PXDNL: variants seen among roughly 807,000 people sequenced by gnomAD.
PXDNL encodes probable oxidoreductase PXDNL.
A neutral mutation model predicts 150.8 loss-of-function variants in PXDNL; 145 were observed. That is an observed-to-expected ratio of 0.96 (90% CI 0.84 to 1.10). The LOEUF (loss-of-function observed/expected upper bound fraction) is 1.10, where lower values mean the gene tolerates loss of function less well. Among genes scored for constraint, PXDNL ranks in the 50% least tolerant of loss-of-function variants. PXDNL has a pLI of 0.00. For missense variants in PXDNL, 2,087 were observed against 1,873.9 expected, an observed-to-expected ratio of 1.11 and a Z score of -2.10; for synonymous variants, 757 against 725.7, an observed-to-expected ratio of 1.04 and a Z score of -0.69.
At chr8:51,663,078 G>A (rs1476413011) in intron 1 of PXDNL, among the ~76,000 whole-genome samples, 13 of 152,212 alleles carry the variant, frequency 8.5e-5, no homozygotes, top group Non-Finnish European at 1.5e-4. Flanking sequence ...TCCACACACC[G>A]TTTCAAGGCA....
chr8:51,346,395 C>A (rs1273338162), intron 19 of PXDNL, among the ~76,000 whole-genome samples: 1 of 152,150 alleles, frequency 6.6e-6, no homozygotes, highest in African/African-American at 2.4e-5. Context: ...TTAAGATACC[C>A]CCTGTTGCAC....
chr8:51,778,034 T>C (rs1037967788), intron 1 of PXDNL, among the ~76,000 whole-genome samples: 5 of 152,108 alleles, frequency 3.3e-5, no homozygotes, highest in East Asian at 2.0e-4. Context: ...GCTCAAGACC[T>C]GAAGTAAATA....
At chr8:51,323,996 G>C (rs1805410353) in intron 21 of PXDNL, among the ~76,000 whole-genome samples, 1 of 151,780 alleles carries the variant, frequency 6.6e-6, no homozygotes, top group Non-Finnish European at 1.5e-5. Context: ...GAAATACAGT[G>C]CGTGGCACTT....
intron 2 of PXDNL, among the ~76,000 whole-genome samples, chr8:51,648,232 G>A (rs976385380): frequency 8.5e-5 from 13 of 152,160 alleles, no homozygotes; most frequent in African/African-American, 2.9e-4. Context: ...AAAATATCAG[G>A]TCGTAATTCC....
chr8:51,641,560 C>A, intron 2 of PXDNL, among the ~76,000 whole-genome samples: 1 of 152,062 alleles, frequency 6.6e-6, no homozygotes, highest in Non-Finnish European at 1.5e-5. Flanking sequence ...TGAACAGACA[C>A]TTCTCAAAAG....
chr8:51,437,220 A>G (rs572019075), intron 12 of PXDNL, among the ~76,000 whole-genome samples: 1 of 152,110 alleles, frequency 6.6e-6, no homozygotes, highest in African/African-American at 2.4e-5. Flanking sequence ...ATTTGTCAAC[A>G]AAAAAGTCTA....
chr8:51,613,302 G>A (rs946109548), intron 2 of PXDNL, among the ~76,000 whole-genome samples: 1 of 151,886 alleles, frequency 6.6e-6, no homozygotes, highest in African/African-American at 2.4e-5. Context: ...TATATTTGAG[G>A]TGCTTTACAG....
chr8:51,698,272 G>T (rs774503480), intron 1 of PXDNL, among the ~76,000 whole-genome samples: 5 of 152,182 alleles, frequency 3.3e-5, no homozygotes, highest in Non-Finnish European at 7.3e-5. Context: ...CTTCAGAATT[G>T]GAGTAAATTC....
chr8:51,519,592 G>A (rs1298628883), intron 4 of PXDNL, among the ~76,000 whole-genome samples: 1 of 152,094 alleles, frequency 6.6e-6, no homozygotes, highest in Non-Finnish European at 1.5e-5. Context: ...AGAGGAGAAA[G>A]AGGAGGAAAG....
intron 2 of PXDNL, among the ~76,000 whole-genome samples, chr8:51,608,409 A>G (rs542993207): frequency 0.012 from 1,731 of 146,848 alleles, 102 homozygotes; most frequent in South Asian, 0.025. Flanking sequence ...AAAAAGAAAG[A>G]AAGGAAGGAA....
chr8:51,762,649 G>C (rs1298327701), intron 1 of PXDNL, among the ~76,000 whole-genome samples: 1 of 152,088 alleles, frequency 6.6e-6, no homozygotes, highest in Non-Finnish European at 1.5e-5. Context: ...CCACCTTTCT[G>C]AACCAAACCA....
intron 1 of PXDNL, among the ~76,000 whole-genome samples, chr8:51,708,940 AG>A (rs1310557940): frequency 6.6e-6 from 1 of 151,980 alleles, no homozygotes; most frequent in East Asian, 1.9e-4. Flanking sequence ...ATAATTAGGG[AG>A]GGGGGCAATA....
intron 20 of PXDNL, among the ~76,000 whole-genome samples, chr8:51,345,157 T>G (rs1806108013): frequency 6.6e-6 from 1 of 152,234 alleles, no homozygotes; most frequent in Non-Finnish European, 1.5e-5. Context: ...CAATGTTTAT[T>G]TTGGTAACTT....
intron 4 of PXDNL, among the ~76,000 whole-genome samples, chr8:51,516,780 C>T (rs1323439123): frequency 2.0e-5 from 3 of 152,136 alleles, no homozygotes; most frequent in Non-Finnish European, 2.9e-5. Flanking sequence ...TGTTTCCTGA[C>T]ACTAGGGACC....
chr8:51,327,379 T>C (rs112747469), intron 21 of PXDNL, among the ~76,000 whole-genome samples: 1 of 152,224 alleles, frequency 6.6e-6, no homozygotes, highest in Admixed American at 6.5e-5. Flanking sequence ...GATACAATCA[T>C]GTAAGTGTCT....
rs558871034 is a variant in PXDNL at position 51,374,694 on chromosome 8, C to T, written c.3595G>A (p.Ala1199Thr). ...GGAATCAGGTCTTCAACCATAAGGG[C>T]GGGCCAGAGGTCAATGTCACCTGGA... The part of the protein sequence containing the change: ...GSPGDIDLWP[A>T]LMVEDLIPGT... The change falls in exon 18 of 23, where the codon GCC becomes ACC. Residue 1199 changes from alanine to threonine, a missense_variant. Coordinates refer to ENST00000356297, the MANE Select transcript of PXDNL (RefSeq NM_144651.5). The T allele has an allele frequency of 1.7e-5, 27 of 1,613,802 alleles. 1 individual carries two copies. The highest frequency in any genetic ancestry group is 5.5e-5 in the South Asian group (5 of 91,060).
rs529091530 is a variant in PXDNL, at chr8:51,345,837, T to C, written c.4012A>G (p.Ser1338Gly). Residue 1338 changes from serine to glycine, a missense_variant, in exon 20 of 23, where the codon AGT becomes GGT. Coordinates refer to ENST00000356297, the MANE Select transcript of PXDNL (RefSeq NM_144651.5). The stretch of plus-strand genomic sequence containing the variant: ...ATGAGATATTTCTATACATACCTAC[T>C]TCTTAGATGACTTAACTCCATATCC... ...DKDMELSHLRSRQQDKIYVGE... is the reference protein window; with the variant it reads ...DKDMELSHLRGRQQDKIYVGE... 6.3e-7 allele frequency: 1 copy of C among 1,590,668 alleles called. No individual in the cohort carries two copies. Among genetic ancestry groups the C allele is most frequent in the African/African-American group, 1.3e-5 (1 of 74,398 alleles).
chr8:51,334,975 T>C (rs1030874150), intron 21 of PXDNL, among the ~76,000 whole-genome samples: 5 of 152,222 alleles, frequency 3.3e-5, no homozygotes, highest in African/African-American at 9.6e-5. Flanking sequence ...CTTTCTATAA[T>C]TGTTATTTGG....
intron 17 of PXDNL, among the ~76,000 whole-genome samples, chr8:51,380,138 AAAT>A (rs1275213143): frequency 1.2e-4 from 19 of 152,050 alleles, no homozygotes; most frequent in African/African-American, 2.4e-4. Context: ...AAAAAAAAAA[AAAT>A]AACAAAAAAA....
Sources: gnomAD v4.1 joint callset for allele counts (sites outside exome capture counted in the v4.1 genomes callset) on GRCh38, gnomAD v4.1.1 for gene constraint, MANE v1.5 for transcripts, NCBI Gene and HGNC (gene_info 2026-07-23, HGNC 2026-07-21) for gene names.